The following ANKRD13C variants were observed in gnomAD, a reference collection of about 807,000 sequenced individuals.
ANKRD13C encodes ankyrin repeat domain 13C.
ANKRD13C carries 16 observed loss-of-function variants against 65.5 expected under a neutral mutation model. The observed-to-expected ratio is 0.24, with a 90% confidence interval of 0.17 to 0.37. ANKRD13C has a LOEUF of 0.37. Among genes scored for constraint, ANKRD13C ranks in the 10% least tolerant of loss-of-function variants. The pLI, the probability that ANKRD13C is intolerant of heterozygous loss-of-function variation, is 1.00. For synonymous variants in ANKRD13C, 235 were observed against 238.7 expected (o/e 0.98, Z 0.14); for missense variants, 503 against 655.9 (o/e 0.77, Z 2.55).
rs1679896844 is a variant in ANKRD13C at position 70,292,284 on chromosome 1, T to C, written c.1215+104A>G. The C allele has an allele frequency of 8.7e-6, 7 of 802,894 alleles. No individual in the cohort carries two copies. The South Asian group carries it at 2.4e-4, about 27-fold the overall frequency. The allele number at this position is 802,894 out of a possible 1,614,324, so 49.7% of individuals were successfully genotyped here. On this transcript the variant is annotated intron_variant, in intron 9 of 12. Coordinates refer to ENST00000370944, the MANE Select transcript of ANKRD13C (RefSeq NM_030816.5). Reference sequence around the variant, plus strand: ...ACAGAAAAAGGTAACACACAGTAAATAAAAGCTGTGAGTACATTTATATAC... The same window carrying C: ...ACAGAAAAAGGTAACACACAGTAAACAAAAGCTGTGAGTACATTTATATAC...
Position 70,299,033 on chromosome 1 carries a change from A to ATGTAACATTACT in ANKRD13C, c.921+1730_921+1731insAGTAATGTTACA, listed in dbSNP as rs562187377. The stretch of plus-strand genomic sequence containing the variant: ...AGCTTAGACCAATAGAAGGGAAAAA[A>ATGTAACATTACT]GCCATGTCAGTAAATGTAACATTAG... On this transcript the variant is annotated intron_variant, in intron 7 of 12. Transcript: ENST00000370944. Among the ~76,000 whole-genome samples, 577 of 152,328 alleles carry ATGTAACATTACT rather than the reference A, an allele frequency of 3.8e-3. 3 individuals are homozygous for ATGTAACATTACT. The highest frequency in any genetic ancestry group is 0.013 in the African/African-American group (528 of 41,570).
chr1:70,330,206 T>C (rs1681723898), intron 2 of ANKRD13C, among the ~76,000 whole-genome samples: 1 of 151,598 alleles, frequency 6.6e-6, no homozygotes, highest in African/African-American at 2.4e-5. Flanking sequence ...AATGCATAAA[T>C]GTGCCAGGAA....
At chr1:70,351,386 T>C (rs1190665629) in intron 1 of ANKRD13C, among the ~76,000 whole-genome samples, 3 of 152,118 alleles carry the variant, frequency 2.0e-5, no homozygotes, top group Non-Finnish European at 2.9e-5. Flanking sequence ...ATATACATCA[T>C]TTATTTATTT....
intron 12 of ANKRD13C, among the ~76,000 whole-genome samples, chr1:70,269,567 T>C (rs1678786266): frequency 6.6e-6 from 1 of 152,166 alleles, no homozygotes. Flanking sequence ...AGATCCCTTA[T>C]GGCTATGGCA....
intron 11 of ANKRD13C, among the ~76,000 whole-genome samples, chr1:70,271,615 T>A (rs1003402097): frequency 6.6e-6 from 1 of 152,080 alleles, no homozygotes; most frequent in African/African-American, 2.4e-5. Context: ...TTCAGATAAG[T>A]AAAGACATAT....
intron 2 of ANKRD13C, among the ~76,000 whole-genome samples, chr1:70,335,631 C>T (rs570295576): frequency 1.9e-4 from 29 of 149,744 alleles, no homozygotes; most frequent in African/African-American, 5.7e-4. Context: ...TTAATAAATA[C>T]TTAATAAACA....
At chr1:70,335,851 AAGTT>A (rs1241433223) in intron 2 of ANKRD13C, among the ~76,000 whole-genome samples, 1 of 151,668 alleles carries the variant, frequency 6.6e-6, no homozygotes, top group Admixed American at 6.6e-5. Context: ...AAAGACATAA[AAGTT>A]AGTACAGGAT....
chr1:70,270,474 T>C (rs1420180892), intron 12 of ANKRD13C, among the ~76,000 whole-genome samples: 1 of 152,174 alleles, frequency 6.6e-6, no homozygotes, highest in Non-Finnish European at 1.5e-5. Flanking sequence ...GCACGAGGGA[T>C]CTGTTTCGTG....
intron 1 of ANKRD13C, among the ~76,000 whole-genome samples, chr1:70,345,492 T>C (rs904506205): frequency 2.6e-5 from 4 of 152,184 alleles, no homozygotes; most frequent in African/African-American, 9.7e-5. Flanking sequence ...TTGTACTGTA[T>C]TACACTGAAA....
intron 7 of ANKRD13C, among the ~76,000 whole-genome samples, chr1:70,300,283 T>A (rs548111717): frequency 3.2e-4 from 48 of 151,980 alleles, no homozygotes; most frequent in African/African-American, 9.9e-4. Flanking sequence ...GACCAGAGGA[T>A]AGAAATATAA....
intron 3 of ANKRD13C, among the ~76,000 whole-genome samples, chr1:70,319,068 A>T (rs559314600): frequency 1.3e-5 from 2 of 152,244 alleles, no homozygotes; most frequent in South Asian, 4.2e-4. Context: ...ATTTGTTCCA[A>T]AAATGTTTTG....
At chr1:70,281,217 G>GTGTTTATGTAC (rs1395952760) in intron 9 of ANKRD13C, among the ~76,000 whole-genome samples, 1 of 152,006 alleles carries the variant, frequency 6.6e-6, no homozygotes, top group African/African-American at 2.4e-5. Context: ...ACAGTTACCA[G>GTGTTTATGTAC]TGTTTATGTA....
intron 12 of ANKRD13C, among the ~76,000 whole-genome samples, chr1:70,263,465 A>C (rs980892325): frequency 6.6e-6 from 1 of 152,210 alleles, no homozygotes; most frequent in African/African-American, 2.4e-5. Context: ...ATGATTACAT[A>C]AGAATCAGAA....
chr1:70,302,603 G>A (rs1680415514), intron 6 of ANKRD13C, among the ~76,000 whole-genome samples: 1 of 134,606 alleles, frequency 7.4e-6, no homozygotes, highest in Admixed American at 7.7e-5. Context: ...GCGGGCGCCT[G>A]TAGTCCCAGC....
intron 1 of ANKRD13C, among the ~76,000 whole-genome samples, chr1:70,350,378 G>A (rs1682695800): frequency 6.6e-6 from 1 of 152,190 alleles, no homozygotes; most frequent in African/African-American, 2.4e-5. Flanking sequence ...CTATGTTTCA[G>A]GGACTATTCT....
intron 12 of ANKRD13C, among the ~76,000 whole-genome samples, chr1:70,265,058 G>A (rs1217282705): frequency 6.6e-6 from 1 of 152,162 alleles, no homozygotes; most frequent in Non-Finnish European, 1.5e-5. Context: ...AGATTAGCAG[G>A]CGATGAGGTC....
chr1:70,282,021 T>C (rs1395388037), intron 9 of ANKRD13C, among the ~76,000 whole-genome samples: 1 of 150,854 alleles, frequency 6.6e-6, no homozygotes, highest in Admixed American at 6.6e-5. Flanking sequence ...TTACTATTCC[T>C]GCTGGCTGGA....
At chr1:70,342,224 G>C (rs1682339459) in intron 1 of ANKRD13C, among the ~76,000 whole-genome samples, 2 of 152,022 alleles carry the variant, frequency 1.3e-5, no homozygotes, top group South Asian at 4.2e-4. Context: ...GTATAGGCTG[G>C]AGATATACAT....
At chr1:70,280,123 G>A (rs1389234616) in intron 9 of ANKRD13C, among the ~76,000 whole-genome samples, 1 of 152,140 alleles carries the variant, frequency 6.6e-6, no homozygotes, top group African/African-American at 2.4e-5. Context: ...TTAGTATCAG[G>A]CAAGATGAAA....
Sources: gnomAD v4.1 joint callset for allele counts (sites outside exome capture counted in the v4.1 genomes callset) on GRCh38, gnomAD v4.1.1 for gene constraint, MANE v1.5 for transcripts, NCBI Gene and HGNC (gene_info 2026-07-23, HGNC 2026-07-21) for gene names.